TOGARAM2: variants seen among roughly 807,000 people sequenced by gnomAD.
TOGARAM2 encodes the protein TOG array regulator of axonemal microtubules protein 2.
TOGARAM2 carries 85 observed loss-of-function variants against 93.3 expected under a neutral mutation model. That is an observed-to-expected ratio of 0.91 (90% CI 0.76 to 1.09). The LOEUF (loss-of-function observed/expected upper bound fraction) is 1.09, where lower values mean the gene tolerates loss of function less well. TOGARAM2 is among the 50% of genes least tolerant of loss of function. The pLI is 0.00. For synonymous variants in TOGARAM2, 593 were observed against 552.8 expected (o/e 1.07, Z -1.02); for missense variants, 1,277 against 1,334.5 (o/e 0.96, Z 0.67).
intron 18 of TOGARAM2, among the ~76,000 whole-genome samples, chr2:29,044,312 C>T (rs951154260): frequency 6.6e-6 from 1 of 152,190 alleles, no homozygotes; most frequent in Non-Finnish European, 1.5e-5. Flanking sequence ...TACATTCATG[C>T]TGGGTCTGAG....
chr2:28,980,776 A>T (rs1020187261), upstream of TOGARAM2, among the ~76,000 whole-genome samples: 1 of 152,218 alleles, frequency 6.6e-6, no homozygotes, highest in African/African-American at 2.4e-5. Flanking sequence ...ACCAAGTGCT[A>T]GACAAAATTA....
rs66931912 is a variant in TOGARAM2, at chr2:28,969,812, CT to C, written c.-147+13132del. ...CCTTCCCTAAATTTCGGTTGTCTTC[CT>C]TTTTTTTTTTTTTTTTGAGACGGAG... On this transcript the variant is annotated intron_variant, in intron 1 of 6. Coordinates refer to the TOGARAM2 transcript ENST00000401723. Among the ~76,000 whole-genome samples the C allele has an allele frequency of 1.3e-3, 169 of 127,842 alleles. 1 individual carries two copies. In the East Asian group the frequency reaches 0.016, roughly 12 times the overall value. The allele number at this position is 127,842 out of a possible 152,430, so 83.9% of individuals were successfully genotyped here. A position where few individuals can be genotyped will look rare whatever the true frequency, so the allele number is the denominator to read the frequency against.
chr2:28,978,109 G>A (rs569004173), upstream of TOGARAM2, among the ~76,000 whole-genome samples: 19 of 152,308 alleles, frequency 1.2e-4, no homozygotes, highest in South Asian at 3.3e-3. Context: ...GTTTTACCAT[G>A]TTGCCCAGGC....
intron 11 of TOGARAM2, 105 bp downstream of exon 11, chr2:29,022,413 A>T: frequency 6.8e-7 from 1 of 1,470,668 alleles, no homozygotes; most frequent in Non-Finnish European, 9.1e-7. Context: ...CTGGGGTTCC[A>T]GCACCATGGA....
intron 1 of TOGARAM2, among the ~76,000 whole-genome samples, chr2:28,986,676 G>A (rs560087923): frequency 2.6e-5 from 4 of 152,208 alleles, no homozygotes; most frequent in East Asian, 1.9e-4. Context: ...TGGCACCTCC[G>A]TGTTGCTGTC....
At chr2:28,998,287 C>T (rs1210947072) in intron 3 of TOGARAM2, 34 bp downstream of exon 3, 28 of 1,506,656 alleles carry the variant, frequency 1.9e-5, no homozygotes, top group Non-Finnish European at 2.5e-5. Flanking sequence ...GTCAGGGCCC[C>T]TGGCCTCATC....
At chr2:29,037,881 G>A (rs1666212584) in intron 18 of TOGARAM2, among the ~76,000 whole-genome samples, 1 of 152,132 alleles carries the variant, frequency 6.6e-6, no homozygotes, top group African/African-American at 2.4e-5. Context: ...CAAGGCTCTT[G>A]GTAAATCACC....
chr2:29,049,893 A>G (rs1172724129), intron 19 of TOGARAM2: 5 of 152,154 alleles, frequency 3.3e-5, no homozygotes, highest in Admixed American at 3.3e-4. Flanking sequence ...TCCTTGATAA[A>G]TGTCACCAAG....
At chr2:29,033,920 G>A (rs892901318) in intron 16 of TOGARAM2, among the ~76,000 whole-genome samples, 2 of 152,160 alleles carry the variant, frequency 1.3e-5, no homozygotes, top group African/African-American at 4.8e-5. Context: ...GCCAGCCTGG[G>A]ACTAGTTCAG....
intron 19 of TOGARAM2, chr2:29,047,670 A>C (rs777778268): frequency 1.3e-5 from 2 of 152,262 alleles, no homozygotes; most frequent in African/African-American, 2.4e-5. Context: ...ACATCCTTGC[A>C]CCTGGGGAAT....
chr2:28,957,634 C>T (rs1348073858), intron 1 of TOGARAM2, among the ~76,000 whole-genome samples: 5 of 152,142 alleles, frequency 3.3e-5, no homozygotes, highest in Admixed American at 3.3e-4. Flanking sequence ...CTCATTGCTC[C>T]TTTAGGAGTG....
chr2:29,034,305 A>C (rs1214020950), intron 16 of TOGARAM2, among the ~76,000 whole-genome samples: 2 of 152,226 alleles, frequency 1.3e-5, no homozygotes, highest in South Asian at 2.1e-4. Flanking sequence ...GAACATGTCT[A>C]TTGGTTCTGC....
Position 28,997,504 on chromosome 2 carries a change from C to G in TOGARAM2, c.29-639C>G, listed in dbSNP as rs1340833773. Among the ~76,000 whole-genome samples the G allele has an allele frequency of 3.9e-5, 6 of 152,336 alleles. No individual in the cohort carries two copies. In the East Asian group the frequency reaches 1.2e-3, roughly 29 times the overall value. On this transcript the variant is annotated intron_variant, in intron 2 of 19. Transcript: ENST00000379558. ...AAGTCTCACTGAGGACTGAGTCAGCCTTGCCCACTACTGTCTCACTGCACA... is the reference window on the plus strand; with the variant it reads ...AAGTCTCACTGAGGACTGAGTCAGCGTTGCCCACTACTGTCTCACTGCACA...
At position 29,027,034 on chromosome 2, in the gene TOGARAM2, G is replaced by A. The variant is rs552262122; in HGVS notation, c.2012+23G>A. 9.1e-6 allele frequency: 14 copies of A among 1,535,374 alleles called. No individual in the cohort carries two copies. The African/African-American group carries it at 1.1e-4, about 12-fold the overall frequency. On this transcript the variant is annotated intron_variant, in intron 14 of 19. Transcript: ENST00000379558. ...CAGGTAGGGCAGGGCCAGGGGCCTG[G>A]GGGCAGAGAAGGCAACCAACCAGCC... is the stretch of plus-strand genomic sequence containing the variant.
At chr2:29,019,398 G>A (rs902209925) in intron 10 of TOGARAM2, among the ~76,000 whole-genome samples, 1 of 151,950 alleles carries the variant, frequency 6.6e-6, no homozygotes, top group Non-Finnish European at 1.5e-5. Flanking sequence ...TCGAACTCTC[G>A]ACCTCAAGTG....
intron 1 of TOGARAM2, among the ~76,000 whole-genome samples, chr2:28,967,627 A>G (rs1671885466): frequency 6.6e-6 from 1 of 152,076 alleles, no homozygotes; most frequent in Admixed American, 6.6e-5. Context: ...TTTTCCTATA[A>G]AGAAATTAAG....
chr2:29,025,716 G>C (rs138785481), intron 13 of TOGARAM2, among the ~76,000 whole-genome samples: 22 of 152,320 alleles, frequency 1.4e-4, no homozygotes, highest in African/African-American at 5.1e-4. Context: ...CTTCCTGATG[G>C]AGTGTGGACA....
chr2:29,021,904 G>C (rs573997145), intron 10 of TOGARAM2, among the ~76,000 whole-genome samples: 11 of 152,314 alleles, frequency 7.2e-5, no homozygotes, highest in African/African-American at 2.6e-4. Context: ...CTGTTTATAA[G>C]AATCGCATTG....
chr2:28,985,593 T>A lies in TOGARAM2; in HGVS notation c.-111+4055T>A, dbSNP rs73922923. 3.9e-3 allele frequency among the ~76,000 whole-genome samples: 599 copies of A among 152,274 alleles called. 6 individuals carry two copies. The highest frequency in any genetic ancestry group is 0.014 in the African/African-American group (569 of 41,564). The stretch of plus-strand genomic sequence containing the variant: ...CTAATTTATATTTGCACCAACACGA[T>A]ACACAAAGGTGGGGGCAGGTTCAGA... On this transcript the variant is annotated intron_variant, in intron 1 of 19. Transcript: ENST00000379558.
Sources: allele counts gnomAD v4.1 joint callset (sites outside exome capture counted in the v4.1 genomes callset), GRCh38; gene constraint gnomAD v4.1.1; transcripts MANE v1.5; gene names NCBI Gene and HGNC (gene_info 2026-07-23, HGNC 2026-07-21).